Variants in SORCS3 observed in about 807,000 individuals in gnomAD.
The protein encoded by SORCS3 is VPS10 domain-containing receptor SorCS3.
In SORCS3, 57 loss-of-function variants were observed where a neutral mutation model predicts 146.3. The observed-to-expected ratio is 0.39, with a 90% CI of 0.31 to 0.49. The LOEUF is 0.49. Ranked by LOEUF, SORCS3 falls within the 20% of genes least tolerant of loss-of-function variation. SORCS3 has a pLI of 0.92. For missense variants in SORCS3, 1,341 were observed against 1,575.5 expected (o/e 0.85, Z 2.52); for synonymous variants, 653 against 618.5 (o/e 1.06, Z -0.83).
intron 1 of SORCS3, among the ~76,000 whole-genome samples, chr10:104,656,918 G>A (rs1312855155): frequency 6.6e-6 from 1 of 152,178 alleles, no homozygotes; most frequent in Admixed American, 6.5e-5. Context: ...TGTGTCATTA[G>A]CTCCAATTGT....
chr10:104,652,756 G>A (rs1302929151), intron 1 of SORCS3, among the ~76,000 whole-genome samples: 2 of 152,138 alleles, frequency 1.3e-5, no homozygotes, highest in Non-Finnish European at 2.9e-5. Context: ...TTTGCCCCAG[G>A]TTGTGACCTG....
chr10:104,664,806 C>T (rs1370029224), intron 1 of SORCS3: 1 of 152,430 alleles, frequency 6.6e-6, no homozygotes, highest in Non-Finnish European at 1.5e-5. Context: ...CCCCAAACCC[C>T]TCATGTGGTG....
chr10:105,214,337 T>C, intron 17 of SORCS3, 105 bp from the exon 18 acceptor site: 1 of 1,263,110 alleles, frequency 7.9e-7, no homozygotes. Context: ...GCACCTGTTT[T>C]GCTCTTGCTC....
At chr10:104,870,010 T>C (rs763907749) in intron 2 of SORCS3, among the ~76,000 whole-genome samples, 5 of 152,210 alleles carry the variant, frequency 3.3e-5, no homozygotes, top group Non-Finnish European at 7.3e-5. Flanking sequence ...AATGAGTAGA[T>C]ATATGGAAAG....
chr10:104,665,375 G>A (rs2015760751), intron 1 of SORCS3: 1 of 152,196 alleles, frequency 6.6e-6, no homozygotes, highest in Non-Finnish European at 1.5e-5. Flanking sequence ...ATTCGCTAAA[G>A]CACGGGCTCC....
chr10:104,714,056 AATTT>A (rs1240762633), intron 1 of SORCS3, among the ~76,000 whole-genome samples: 1 of 152,120 alleles, frequency 6.6e-6, no homozygotes, highest in Non-Finnish European at 1.5e-5. Context: ...CTGTAGTAGT[AATTT>A]ATTATCCTTT....
At chr10:105,211,582 G>T (rs938187417) in intron 17 of SORCS3, among the ~76,000 whole-genome samples, 2 of 152,140 alleles carry the variant, frequency 1.3e-5, no homozygotes, top group Non-Finnish European at 2.9e-5. Flanking sequence ...GTGATGTGCA[G>T]ATATTACACT....
chr10:104,916,844 C>T (rs1415187087), intron 3 of SORCS3, among the ~76,000 whole-genome samples: 4 of 152,158 alleles, frequency 2.6e-5, no homozygotes, highest in Non-Finnish European at 5.9e-5. Context: ...TGCTTTCTTC[C>T]TCAAGGTAAG....
intron 4 of SORCS3, among the ~76,000 whole-genome samples, chr10:104,979,435 C>G (rs1351175676): frequency 6.6e-6 from 1 of 152,158 alleles, no homozygotes. Flanking sequence ...ACAGATAATT[C>G]TGAGCACTGT....
intron 1 of SORCS3, among the ~76,000 whole-genome samples, chr10:104,672,715 T>G (rs1192937871): frequency 1.3e-5 from 2 of 152,124 alleles, no homozygotes; most frequent in Non-Finnish European, 2.9e-5. Context: ...CTGCATTGTT[T>G]GTTTAAGAGT....
chr10:105,213,796 A>G (rs1429744914), intron 17 of SORCS3, among the ~76,000 whole-genome samples: 1 of 152,178 alleles, frequency 6.6e-6, no homozygotes, highest in East Asian at 1.9e-4. Context: ...GTGAGATTGA[A>G]TAGGAGTTTC....
intron 6 of SORCS3, 87 bp from the exon 7 acceptor site, chr10:105,105,310 C>A: frequency 1.4e-6 from 1 of 732,540 alleles, no homozygotes; most frequent in Non-Finnish European, 2.4e-6. Context: ...TTGTTGATTC[C>A]CCCATGAAGT....
At chr10:104,715,613 G>A (rs2016467458) in intron 1 of SORCS3, among the ~76,000 whole-genome samples, 1 of 152,270 alleles carries the variant, frequency 6.6e-6, no homozygotes, top group Non-Finnish European at 1.5e-5. Flanking sequence ...GTACATCGAA[G>A]GGGTAGGTGA....
intron 2 of SORCS3, among the ~76,000 whole-genome samples, chr10:104,910,331 C>G (rs969541878): frequency 6.6e-6 from 1 of 152,304 alleles, no homozygotes; most frequent in African/African-American, 2.4e-5. Flanking sequence ...GTGACCCACA[C>G]AGAGACGTCA....
intron 4 of SORCS3, among the ~76,000 whole-genome samples, chr10:104,996,430 G>A (rs966831188): frequency 9.2e-5 from 14 of 152,092 alleles, no homozygotes; most frequent in African/African-American, 3.4e-4. Flanking sequence ...TTTTAATCAG[G>A]TTTATTCCTA....
chr10:105,046,667 A>G (rs1284096480), intron 5 of SORCS3, among the ~76,000 whole-genome samples: 1 of 152,150 alleles, frequency 6.6e-6, no homozygotes, highest in African/African-American at 2.4e-5. Flanking sequence ...ATTAGCATCA[A>G]TACTAAGAGC....
At chr10:105,118,437 C>T (rs974699228) in intron 7 of SORCS3, among the ~76,000 whole-genome samples, 15 of 152,136 alleles carry the variant, frequency 9.9e-5, no homozygotes, top group African/African-American at 3.4e-4. Context: ...TTCTTTATAG[C>T]AGTGTGAGAA....
chr10:104,683,005 G>A (rs961558279), intron 1 of SORCS3, among the ~76,000 whole-genome samples: 2 of 152,190 alleles, frequency 1.3e-5, no homozygotes, highest in African/African-American at 4.8e-5. Flanking sequence ...CTTTTAGCCA[G>A]TACTCTGGGA....
intron 1 of SORCS3, among the ~76,000 whole-genome samples, chr10:104,824,533 C>T (rs1405847359): frequency 6.6e-6 from 1 of 152,156 alleles, no homozygotes; most frequent in African/African-American, 2.4e-5. Context: ...GATGAATGCC[C>T]AATCATGAGT....
Sources: gnomAD v4.1 joint callset for allele counts (sites outside exome capture counted in the v4.1 genomes callset) on GRCh38, gnomAD v4.1.1 for gene constraint, MANE v1.5 for transcripts, NCBI Gene and HGNC (gene_info 2026-07-23, HGNC 2026-07-21) for gene names.